Variants in IL1RAPL2 observed in about 807,000 individuals in gnomAD.
The protein encoded by IL1RAPL2 is X-linked interleukin-1 receptor accessory protein-like 2.
A neutral mutation model predicts 44.1 loss-of-function variants in IL1RAPL2; 3 were observed. The observed-to-expected ratio is 0.07, with a 90% CI of 0.03 to 0.18. The LOEUF is 0.18. Among genes scored for constraint, IL1RAPL2 ranks in the 10% least tolerant of loss-of-function variants. The pLI, the probability that IL1RAPL2 is intolerant of heterozygous loss-of-function variation, is 1.00. For missense variants in IL1RAPL2, 391 were observed against 496.4 expected (o/e 0.79, Z 2.02); for synonymous variants, 181 against 178.8 (o/e 1.01, Z -0.10).
intron 1 of IL1RAPL2, among the ~76,000 whole-genome samples, chrX:104,621,805 A>C (rs934879645): frequency 8.9e-6 from 1 of 112,042 alleles, no homozygotes; most frequent in African/African-American, 3.2e-5. Flanking sequence ...ACCCAGTAGC[A>C]AGATGGACTA....
chrX:105,248,098 A>G (rs1040543013), intron 4 of IL1RAPL2, among the ~76,000 whole-genome samples: 4 of 110,884 alleles, frequency 3.6e-5, no homozygotes, highest in Non-Finnish European at 3.8e-5. Context: ...TTCTTCTACT[A>G]ATGGATATTT....
intron 2 of IL1RAPL2, among the ~76,000 whole-genome samples, chrX:104,849,122 T>C (rs1243991279): frequency 9.2e-6 from 1 of 108,866 alleles, no homozygotes; most frequent in African/African-American, 3.3e-5. Flanking sequence ...CTCCATCTCC[T>C]GGGCTCAGGT....
At position 105,195,535 on chromosome X, in the gene IL1RAPL2, C is replaced by G; in HGVS notation, c.143C>G (p.Pro48Arg). 1.7e-6 allele frequency: 2 copies of G among 1,211,267 alleles called. No individual in the cohort carries two copies. Among genetic ancestry groups the G allele is most frequent in the Non-Finnish European group, 2.2e-6 (2 of 894,826 alleles). ...ACATACATGGCTTTGGCAGGTGAAC[C>G]AGTCCGAGTGAAATGTGCCCTTTTC... ...LKTYMALAGE[P>R]VRVKCALFYS... Residue 48 changes from proline to arginine, a missense_variant, in exon 3 of 11, where the codon CCA (proline) becomes CGA (arginine). By Grantham distance (103) the Pro-to-Arg change is moderately radical (BLOSUM62 -2). Around this residue, in one of 2 missense-constraint regions of IL1RAPL2, gnomAD observed 159 missense variants for 251.7 expected, o/e 0.63. Transcript: ENST00000372582.
chrX:105,416,803 C>G (rs2147743566), intron 5 of IL1RAPL2, among the ~76,000 whole-genome samples: 1 of 111,973 alleles, frequency 8.9e-6, no homozygotes, highest in East Asian at 2.8e-4. Flanking sequence ...AAGAAAGAGA[C>G]TTGCGGGGTT....
intron 2 of IL1RAPL2, among the ~76,000 whole-genome samples, chrX:104,792,340 G>T (rs189122941): frequency 9.5e-4 from 105 of 110,641 alleles, no homozygotes; most frequent in South Asian, 5.5e-3. Context: ...ACCCCAGATC[G>T]CTTCACTGTC....
intron 2 of IL1RAPL2, among the ~76,000 whole-genome samples, chrX:104,888,916 A>AGC (rs1923337998): frequency 1.8e-5 from 2 of 111,758 alleles, no homozygotes; most frequent in African/African-American, 6.5e-5. Context: ...CAAGCAATGA[A>AGC]AAGCCCATAC....
chrX:104,760,300 C>A (rs191203466), intron 2 of IL1RAPL2, among the ~76,000 whole-genome samples: 2 of 112,172 alleles, frequency 1.8e-5, no homozygotes, highest in African/African-American at 6.5e-5. Flanking sequence ...ATATACCCAG[C>A]AGTGGGATTG....
chrX:105,670,363 C>T (rs2037813073), intron 6 of IL1RAPL2, among the ~76,000 whole-genome samples: 1 of 102,364 alleles, frequency 9.8e-6, no homozygotes, highest in East Asian at 3.1e-4. Flanking sequence ...TTCAGTGGCA[C>T]GATCTCGGCT....
chrX:105,467,595 A>G (rs1351940053), intron 5 of IL1RAPL2, among the ~76,000 whole-genome samples: 1 of 88,520 alleles, frequency 1.1e-5, no homozygotes, highest in Admixed American at 1.2e-4. Flanking sequence ...CAGGGTTGGT[A>G]TAGTGACTTC....
At chrX:104,586,146 G>T (rs763765390) in intron 1 of IL1RAPL2, among the ~76,000 whole-genome samples, 1 of 111,622 alleles carries the variant, frequency 9.0e-6, no homozygotes, top group East Asian at 2.8e-4. Context: ...TCTGACTAGC[G>T]TGAGATGGTA....
intron 2 of IL1RAPL2, among the ~76,000 whole-genome samples, chrX:104,743,395 T>C (rs766956119): frequency 7.5e-4 from 82 of 109,447 alleles, no homozygotes; most frequent in Non-Finnish European, 1.4e-3. Flanking sequence ...TAAAGACCAC[T>C]TTTTTCAAGC....
intron 3 of IL1RAPL2, chrX:105,220,497 C>T: frequency 1.2e-6 from 1 of 814,740 alleles, no homozygotes; most frequent in Non-Finnish European, 1.7e-6. Context: ...CCATCTTCTC[C>T]CGCCCTCTTG....
chrX:105,111,161 G>T (rs959182755), intron 2 of IL1RAPL2, among the ~76,000 whole-genome samples: 2 of 110,900 alleles, frequency 1.8e-5, no homozygotes, highest in Non-Finnish European at 3.8e-5. Context: ...TACCAGCACT[G>T]TGGTTAGAAT....
At chrX:105,757,559 A>G (rs2038649808) in intron 10 of IL1RAPL2, among the ~76,000 whole-genome samples, 2 of 111,855 alleles carry the variant, frequency 1.8e-5, no homozygotes, top group African/African-American at 6.5e-5. Flanking sequence ...CAGGATGGGC[A>G]GAGATTTTAT....
chrX:105,498,356 A>G (rs928142359), intron 6 of IL1RAPL2, among the ~76,000 whole-genome samples: 1 of 111,880 alleles, frequency 8.9e-6, no homozygotes, highest in East Asian at 2.8e-4. Context: ...AACGATCTGT[A>G]TAATAAAAAC....
intron 2 of IL1RAPL2, among the ~76,000 whole-genome samples, chrX:104,757,116 C>A (rs935095088): frequency 2.7e-5 from 3 of 111,326 alleles, no homozygotes; most frequent in African/African-American, 9.8e-5. Flanking sequence ...CTAAAGAGGA[C>A]AAGAGAAGAA....
At chrX:104,962,576 G>A (rs1057233510) in intron 2 of IL1RAPL2, among the ~76,000 whole-genome samples, 4 of 112,049 alleles carry the variant, frequency 3.6e-5, no homozygotes, top group African/African-American at 1.3e-4. Context: ...TGCACTAAAG[G>A]TGCAATGCTA....
At chrX:105,037,975 A>G (rs2031658518) in intron 2 of IL1RAPL2, among the ~76,000 whole-genome samples, 1 of 112,165 alleles carries the variant, frequency 8.9e-6, no homozygotes, top group African/African-American at 3.2e-5. Context: ...TTATGTTGTC[A>G]TGATGGCTGT....
intron 5 of IL1RAPL2, among the ~76,000 whole-genome samples, chrX:105,280,903 G>T (rs966502235): frequency 9.0e-6 from 1 of 111,273 alleles, no homozygotes; most frequent in Non-Finnish European, 1.9e-5. Flanking sequence ...AATACCATTT[G>T]ACCCAGCCAT....
Sources: allele counts gnomAD v4.1 joint callset (sites outside exome capture counted in the v4.1 genomes callset), GRCh38; gene constraint gnomAD v4.1.1; regional missense constraint gnomAD v4.1.1; transcripts MANE v1.5; gene names NCBI Gene and HGNC (gene_info 2026-07-23, HGNC 2026-07-21).